Variants in STAB2 observed in about 807,000 individuals in gnomAD.
The protein encoded by STAB2 is stabilin-2.
In STAB2, 288 loss-of-function variants were observed where a neutral mutation model predicts 338.1. That is an observed-to-expected ratio of 0.85 (90% CI 0.77 to 0.94). The LOEUF is 0.94. Among genes scored for constraint, STAB2 ranks in the 40% least tolerant of loss-of-function variants. STAB2 has a pLI of 0.00. For synonymous variants in STAB2, 1,202 were observed against 1,193.3 expected (o/e 1.01, Z -0.15); for missense variants, 3,141 against 3,210.1 (o/e 0.98, Z 0.52).
rs140590243 is a variant in STAB2 at position 103,762,296 on chromosome 12, G to A, written c.7382G>A (p.Gly2461Glu). Residue 2461 changes from glycine (G) to glutamate (E), a missense_variant, in exon 67 of 69, where the codon GGA becomes GAA. By Grantham distance (98) the Gly-to-Glu change is moderately conservative. Coordinates refer to ENST00000388887, the MANE Select transcript of STAB2 (RefSeq NM_017564.10). ...CAGACCTTGACCCACACTGGCTTGG[G>A]AGCAGGGATCTTCTTTGCCATCATC... ...APVTLTHTGL[G>E]AGIFFAIILV... 4.4e-5 allele frequency: 71 copies of A among 1,614,096 alleles called. No individual in the cohort carries two copies. Among genetic ancestry groups the A allele is most frequent in the Non-Finnish European group, 5.8e-5 (68 of 1,180,058 alleles).
chr12:103,676,766 T>C (rs552697432), intron 24 of STAB2, among the ~76,000 whole-genome samples: 3 of 152,322 alleles, frequency 2.0e-5, no homozygotes, highest in South Asian at 2.1e-4. Context: ...TTTCTTTGCT[T>C]CCTCTTATCT....
intron 25 of STAB2, among the ~76,000 whole-genome samples, chr12:103,678,082 TC>T (rs1008640776): frequency 2.0e-5 from 3 of 151,992 alleles, no homozygotes; most frequent in African/African-American, 7.3e-5. Flanking sequence ...AAGGCTCCCT[TC>T]CCCCATCCAT....
At chr12:103,667,520 C>T (rs1172583046) in intron 19 of STAB2, among the ~76,000 whole-genome samples, 2 of 151,932 alleles carry the variant, frequency 1.3e-5, no homozygotes, top group Admixed American at 6.6e-5. Flanking sequence ...CTATGATTGT[C>T]TCAGCCCAGG....
chr12:103,690,289 C>A, intron 29 of STAB2, 135 bp from the exon 30 acceptor site: 1 of 808,462 alleles, frequency 1.2e-6, no homozygotes, highest in Non-Finnish European at 1.9e-6. Context: ...TAACTCTAGC[C>A]AAGGCTGGTA....
intron 15 of STAB2, among the ~76,000 whole-genome samples, chr12:103,658,157 G>A (rs542673538): frequency 7.2e-5 from 11 of 152,284 alleles, no homozygotes; most frequent in Middle Eastern, 6.8e-3. Flanking sequence ...AAGTAAAGTG[G>A]GGAAAGGGAC....
At position 103,726,162 on chromosome 12, in the gene STAB2, AG is replaced by A; in HGVS notation, c.4851+1del. ...PKTSQYFFQL[Q>X]EHFVKDLVGP... ...ACTTCCCAGTATTTCTTCCAGTTGC[AG>A]GTAGGAAATATACATGTCTGTCTAG... is the stretch of plus-strand genomic sequence containing the variant. On this transcript the variant is annotated frameshift_variant and splice_region_variant, in exon 46 of 69. Coordinates refer to ENST00000388887, the MANE Select transcript of STAB2 (RefSeq NM_017564.10). LOFTEE classifies it high-confidence loss of function. 6.2e-7 allele frequency: 1 copy of A among 1,613,812 alleles called. No homozygotes were observed. Among genetic ancestry groups the A allele is most frequent in the Non-Finnish European group, 8.5e-7 (1 of 1,179,768 alleles).
chr12:103,660,545 G>A (rs1034572788), intron 16 of STAB2, 138 bp from the exon 17 acceptor site: 1 of 1,286,102 alleles, frequency 7.8e-7, no homozygotes, highest in East Asian at 2.3e-5. Context: ...GATCTTCAAA[G>A]CCACAAAAAC....
At chr12:103,735,642 C>T (rs536225525) in intron 52 of STAB2, 62 bp downstream of exon 52, 4 of 1,257,192 alleles carry the variant, frequency 3.2e-6, no homozygotes, top group East Asian at 2.5e-5. Context: ...AGCTATTCCC[C>T]AACAACTGCC....
rs1210716740 is a variant in STAB2 at position 103,724,971 on chromosome 12, C to T, written c.4684-4C>T. ...CATCCCTTGCCCCTTGGCAATTTTA[C>T]CAGAAAAATGGCGGCTGTAGTGAAT... is the stretch of plus-strand genomic sequence containing the variant. On this transcript the variant is annotated splice_polypyrimidine_tract_variant and splice_region_variant and intron_variant, in intron 44 of 68. Transcript: ENST00000388887. 1 of 1,613,226 alleles carries T rather than the reference C, an allele frequency of 6.2e-7. No individual in the cohort carries two copies. The highest frequency in any genetic ancestry group is 2.2e-5 in the East Asian group (1 of 44,862).
At chr12:103,724,291 T>C (rs191203364) in intron 44 of STAB2, among the ~76,000 whole-genome samples, 2 of 152,304 alleles carry the variant, frequency 1.3e-5, no homozygotes, top group African/African-American at 2.4e-5. Flanking sequence ...AGGGCAATGT[T>C]TGCAGGAGAC....
At chr12:103,704,265 T>C (rs549570752) in intron 35 of STAB2, among the ~76,000 whole-genome samples, 2 of 152,352 alleles carry the variant, frequency 1.3e-5, no homozygotes, top group Non-Finnish European at 2.9e-5. Flanking sequence ...TCTGGCCCAA[T>C]TCACTTAATA....
chr12:103,652,419 C>A (rs1565985576), intron 11 of STAB2, 137 bp from the exon 12 acceptor site: 1 of 644,718 alleles, frequency 1.6e-6, no homozygotes. Flanking sequence ...TGCTTTCATG[C>A]ATTTGTATTT....
At chr12:103,746,525 G>A in intron 57 of STAB2, 72 bp from the exon 58 acceptor site, 1 of 1,446,456 alleles carries the variant, frequency 6.9e-7, no homozygotes, top group Non-Finnish European at 9.7e-7. Flanking sequence ...GAGAGTCTTG[G>A]AAAGTCTCCT....
At chr12:103,676,405 T>A (rs1015427447) in intron 24 of STAB2, among the ~76,000 whole-genome samples, 1 of 152,210 alleles carries the variant, frequency 6.6e-6, no homozygotes, top group African/African-American at 2.4e-5. Flanking sequence ...TGGGTTTTTT[T>A]AGGAAATCCT....
At chr12:103,719,171 C>A (rs558526484) in intron 44 of STAB2, among the ~76,000 whole-genome samples, 8 of 152,180 alleles carry the variant, frequency 5.3e-5, no homozygotes, top group Admixed American at 2.6e-4. Flanking sequence ...GCTGACCCAG[C>A]CTGTCACATC....
chr12:103,631,049 T>G (rs1011132909), intron 5 of STAB2, among the ~76,000 whole-genome samples: 1 of 152,240 alleles, frequency 6.6e-6, no homozygotes, highest in African/African-American at 2.4e-5. Flanking sequence ...TCACATTCAT[T>G]TCAAATGCCC....
intron 60 of STAB2, among the ~76,000 whole-genome samples, chr12:103,752,466 G>C (rs541507541): frequency 6.6e-6 from 1 of 152,310 alleles, no homozygotes; most frequent in South Asian, 2.1e-4. Flanking sequence ...ATAAAAATGT[G>C]ACTTGCTTCT....
intron 48 of STAB2, among the ~76,000 whole-genome samples, 186 bp from the exon 49 acceptor site, chr12:103,729,930 G>A (rs538197868): frequency 6.6e-6 from 1 of 152,260 alleles, no homozygotes; most frequent in South Asian, 2.1e-4. Context: ...AACTTCTCCA[G>A]GTGAAAGTTA....
intron 17 of STAB2, among the ~76,000 whole-genome samples, chr12:103,662,086 G>A (rs1874673555): frequency 6.6e-6 from 1 of 152,186 alleles, no homozygotes; most frequent in South Asian, 2.1e-4. Context: ...GACCAGGGTG[G>A]TAGCAGGGAC....
Sources: allele counts gnomAD v4.1 joint callset (sites outside exome capture counted in the v4.1 genomes callset), GRCh38; gene constraint gnomAD v4.1.1; transcripts MANE v1.5; gene names NCBI Gene and HGNC (gene_info 2026-07-23, HGNC 2026-07-21).